The following PIK3CB variants were observed in gnomAD, a reference collection of about 807,000 sequenced individuals.
The protein encoded by PIK3CB is phosphatidylinositol 4,5-bisphosphate 3-kinase catalytic subunit beta isoform.
Under a neutral mutation model 136.8 loss-of-function variants are expected in PIK3CB, and 39 were observed. The observed-to-expected ratio is 0.29, with a 90% CI of 0.22 to 0.37. The LOEUF (loss-of-function observed/expected upper bound fraction) is 0.37. Ranked by LOEUF, PIK3CB falls within the 10% of genes least tolerant of loss-of-function variation. The pLI, the probability that PIK3CB is intolerant of heterozygous loss-of-function variation, is 1.00. For missense variants in PIK3CB, 868 were observed against 1,275.4 expected (o/e 0.68, Z 4.87); for synonymous variants, 428 against 436.6 (o/e 0.98, Z 0.25).
intron 2 of PIK3CB, among the ~76,000 whole-genome samples, chr3:138,772,779 TTC>T (rs1321610880): frequency 6.7e-6 from 1 of 148,322 alleles, no homozygotes; most frequent in Non-Finnish European, 1.5e-5. Context: ...CGGCTATTTA[TTC>T]TCTTTTTTTT....
Position 138,655,377 on chromosome 3 carries a change from G to A in PIK3CB, c.*12C>T, listed in dbSNP as rs759566996. ...TGAAACCAACAAATACATTAGGAGC[G>A]AAGGCTGATCGTTAAGATCTGTAGT... On this transcript the variant is annotated 3_prime_UTR_variant, in exon 24 of 24. Transcript: ENST00000674063. The A allele has an allele frequency of 1.5e-5, 25 of 1,613,358 alleles. No homozygotes were observed. The highest frequency in any genetic ancestry group is 4.4e-5 in the South Asian group (4 of 90,976).
chr3:138,706,211 C>A (rs2108556891), intron 11 of PIK3CB, among the ~76,000 whole-genome samples: 2 of 152,340 alleles, frequency 1.3e-5, no homozygotes, highest in African/African-American at 4.8e-5. Context: ...GCACTCCAGC[C>A]TGGATGACAG....
intron 7 of PIK3CB, among the ~76,000 whole-genome samples, chr3:138,734,288 A>T (rs1242132073): frequency 6.6e-6 from 1 of 152,216 alleles, no homozygotes; most frequent in African/African-American, 2.4e-5. Context: ...AATGAAATAT[A>T]CTGGTTAATT....
chr3:138,685,396 C>CAAAAAAAAAAAA (rs398052626), intron 16 of PIK3CB, among the ~76,000 whole-genome samples: 61 of 58,274 alleles, frequency 1.0e-3, no homozygotes, highest in Non-Finnish European at 1.3e-3. Flanking sequence ...GAAACTGTCT[C>CAAAAAAAAAAAA]AAAAAAAAAA....
chr3:138,770,798 G>A lies in PIK3CB; in HGVS notation c.-16-11439C>T, dbSNP rs1028731917. On this transcript the variant is annotated intron_variant, in intron 2 of 23. Coordinates refer to ENST00000674063, the MANE Select transcript of PIK3CB (RefSeq NM_006219.3). ...GCAATCTCGGCTCACTACAACCTCC[G>A]GCTCCCAGGTTCAAGCAGTTCTCCT... 5.3e-5 allele frequency among the ~76,000 whole-genome samples: 8 copies of A among 151,766 alleles called. No homozygotes were observed. The South Asian group carries it at 8.4e-4, about 16-fold the overall frequency.
At chr3:138,701,060 A>G (rs1430314718) in intron 12 of PIK3CB, among the ~76,000 whole-genome samples, 1 of 152,182 alleles carries the variant, frequency 6.6e-6, no homozygotes, top group South Asian at 2.1e-4. Context: ...GATAAAATGC[A>G]GTAAGAAAAC....
chr3:138,754,370 G>A (rs1457705676), intron 4 of PIK3CB, among the ~76,000 whole-genome samples: 57 of 151,880 alleles, frequency 3.8e-4, no homozygotes, highest in East Asian at 1.9e-4. Context: ...ACTGAGGGTC[G>A]AGTCAAGGCT....
chr3:138,701,582 C>T (rs1299657891), intron 12 of PIK3CB, among the ~76,000 whole-genome samples: 6 of 151,824 alleles, frequency 4.0e-5, no homozygotes, highest in Admixed American at 6.6e-5. Flanking sequence ...GTCAAGAGAT[C>T]GAGACCATCC....
intron 19 of PIK3CB, among the ~76,000 whole-genome samples, chr3:138,666,705 T>C (rs1174467139): frequency 2.6e-5 from 4 of 152,094 alleles, no homozygotes; most frequent in Non-Finnish European, 4.4e-5. Context: ...CTACAGAAAA[T>C]ACAATGGATG....
rs560987950 is a variant in PIK3CB at position 138,656,523 on chromosome 3, G to A, written c.2943-249C>T. ...CAAAACTAAATAGAAATTCTATGAC[G>A]AAAGGCTATTACATTTTTAATAATA... On this transcript the variant is annotated intron_variant, in intron 22 of 23. Coordinates refer to ENST00000674063, the MANE Select transcript of PIK3CB (RefSeq NM_006219.3). 1.3e-3 allele frequency among the ~76,000 whole-genome samples: 192 copies of A among 152,208 alleles called. 1 individual carries two copies. The highest frequency in any genetic ancestry group is 4.4e-3 in the African/African-American group (183 of 41,534).
At chr3:138,815,162 A>AATAT (rs1553743710) in intron 1 of PIK3CB, among the ~76,000 whole-genome samples, 7,796 of 61,518 alleles carry the variant, frequency 0.13, 1,236 homozygotes, top group Non-Finnish European at 0.15. Flanking sequence ...AAAAAAAAAA[A>AATAT]ATATATATAT....
At chr3:138,686,389 A>G (rs1175865950) in intron 16 of PIK3CB, among the ~76,000 whole-genome samples, 3 of 152,166 alleles carry the variant, frequency 2.0e-5, no homozygotes, top group African/African-American at 7.2e-5. Flanking sequence ...TAGTGAGCCA[A>G]GATCATGCCA....
At chr3:138,692,919 T>G (rs2044039344) in intron 14 of PIK3CB, among the ~76,000 whole-genome samples, 1 of 152,182 alleles carries the variant, frequency 6.6e-6, no homozygotes, top group South Asian at 2.1e-4. Flanking sequence ...CACTGAAGCA[T>G]TATTTATAAT....
In PIK3CB at chr3:138,715,575, A is replaced by G. The variant is rs532500564; in HGVS notation, c.1051-856T>C. ...ATCTTTCATTTTTCAAAAGCTTATC[A>G]GCAAAAGCTTTTCTAGCTAGTTAAG... On this transcript the variant is annotated intron_variant, in intron 8 of 23. Transcript: ENST00000674063. 1.6e-4 allele frequency among the ~76,000 whole-genome samples: 24 copies of G among 152,308 alleles called. No individual in the cohort carries two copies. In the East Asian group the frequency reaches 4.6e-3, roughly 29 times the overall value.
intron 2 of PIK3CB, among the ~76,000 whole-genome samples, chr3:138,773,934 C>A (rs1322603467): frequency 6.6e-6 from 1 of 152,068 alleles, no homozygotes; most frequent in East Asian, 1.9e-4. Context: ...ACAATAACCA[C>A]GTTTTAAGGT....
At chr3:138,670,021 A>G (rs2043501416) in intron 19 of PIK3CB, among the ~76,000 whole-genome samples, 1 of 152,254 alleles carries the variant, frequency 6.6e-6, no homozygotes, top group South Asian at 2.1e-4. Flanking sequence ...CAAAGTACAA[A>G]AAGTCAGCAA....
At chr3:138,679,578 A>G (rs1354218117) in intron 19 of PIK3CB, among the ~76,000 whole-genome samples, 2 of 151,708 alleles carry the variant, frequency 1.3e-5, no homozygotes, top group Non-Finnish European at 2.9e-5. Flanking sequence ...TTAAAAGTTA[A>G]GAGTTCTTTT....
At chr3:138,820,522 C>T (rs1161687890) in intron 1 of PIK3CB, among the ~76,000 whole-genome samples, 1 of 152,126 alleles carries the variant, frequency 6.6e-6, no homozygotes, top group Non-Finnish European at 1.5e-5. Context: ...GAGATGGAGT[C>T]TTGCTCTGCT....
At chr3:138,828,651 G>A (rs1296933296) in intron 1 of PIK3CB, among the ~76,000 whole-genome samples, 1 of 152,054 alleles carries the variant, frequency 6.6e-6, no homozygotes, top group Non-Finnish European at 1.5e-5. Context: ...AAAGCTACTG[G>A]GGAGACTGAG....
Sources: gnomAD v4.1 joint callset for allele counts (sites outside exome capture counted in the v4.1 genomes callset) on GRCh38, gnomAD v4.1.1 for gene constraint, MANE v1.5 for transcripts, NCBI Gene and HGNC (gene_info 2026-07-23, HGNC 2026-07-21) for gene names.